The following MACROD2 variants were observed in gnomAD, a reference collection of about 807,000 sequenced individuals.
MACROD2 encodes the protein mono-ADP ribosylhydrolase 2, also known as ADP-ribose glycohydrolase MACROD2.
Under a neutral mutation model 70.4 loss-of-function variants are expected in MACROD2, and 36 were observed. The observed-to-expected ratio is 0.51, with a 90% CI of 0.39 to 0.68. MACROD2 has a LOEUF of 0.68. Ranked by LOEUF, MACROD2 falls within the 30% of genes least tolerant of loss-of-function variation. MACROD2 has a pLI of 0.00. For missense variants in MACROD2, 496 were observed against 538.4 expected, an observed-to-expected ratio of 0.92 and a Z score of 0.78; for synonymous variants, 172 against 178.8, an observed-to-expected ratio of 0.96 and a Z score of 0.30.
intron 5 of MACROD2, among the ~76,000 whole-genome samples, chr20:14,978,543 A>G (rs943892243): frequency 3.9e-5 from 6 of 151,934 alleles, no homozygotes; most frequent in African/African-American, 1.5e-4. Context: ...TGGTCACAGT[A>G]CATATTTTTT....
chr20:15,788,136 G>A (rs1044252824), intron 8 of MACROD2, among the ~76,000 whole-genome samples: 1 of 151,082 alleles, frequency 6.6e-6, no homozygotes, highest in Non-Finnish European at 1.5e-5. Context: ...CATGAAGGTG[G>A]TAAAGTCACT....
intron 3 of MACROD2, among the ~76,000 whole-genome samples, chr20:14,406,122 C>G (rs1216619591): frequency 2.0e-5 from 3 of 152,000 alleles, no homozygotes; most frequent in African/African-American, 7.2e-5. Flanking sequence ...TCATGAGGAC[C>G]TGTTTGACAA....
intron 3 of MACROD2, among the ~76,000 whole-genome samples, chr20:14,218,185 T>C (rs1262721276): frequency 6.6e-6 from 1 of 152,230 alleles, no homozygotes; most frequent in African/African-American, 2.4e-5. Context: ...CTTATAAATT[T>C]GGGAGCCCCA....
intron 4 of MACROD2, among the ~76,000 whole-genome samples, chr20:14,675,527 C>A (rs1161806820): frequency 6.6e-6 from 1 of 152,086 alleles, no homozygotes; most frequent in Non-Finnish European, 1.5e-5. Context: ...CACCACCAGG[C>A]CTGCGTTACA....
intron 13 of MACROD2, among the ~76,000 whole-genome samples, chr20:15,968,206 G>A (rs181609402): frequency 4.7e-4 from 72 of 152,284 alleles, no homozygotes; most frequent in African/African-American, 1.7e-3. Flanking sequence ...CTTTTCAAGT[G>A]TAGTCAAAAT....
intron 5 of MACROD2, among the ~76,000 whole-genome samples, chr20:15,229,369 G>A (rs2076940029): frequency 1.3e-5 from 2 of 152,218 alleles, no homozygotes; most frequent in Admixed American, 6.5e-5. Flanking sequence ...TTATGTAGGT[G>A]AGGATTGGTA....
At chr20:14,381,684 A>G (rs751280238) in intron 3 of MACROD2, among the ~76,000 whole-genome samples, 20 of 152,222 alleles carry the variant, frequency 1.3e-4, no homozygotes, top group Non-Finnish European at 2.5e-4. Context: ...TGTTGCATGA[A>G]GAATATGTGT....
rs201432550 is a variant in MACROD2 at position 15,145,026 on chromosome 20, T to C, written c.419-84914T>C. On this transcript the variant is annotated intron_variant, in intron 5 of 17. Transcript: ENST00000684519. ...GGTGCCTGGCAACTGTTTGCCTTAC[T>C]TGTTATTGGAAATCCAAACTCTAGC... Among the ~76,000 whole-genome samples, 4 of 152,304 alleles carry C rather than the reference T, an allele frequency of 2.6e-5. No homozygotes were observed. In the East Asian group the frequency reaches 7.7e-4, roughly 29 times the overall value.
intron 5 of MACROD2, among the ~76,000 whole-genome samples, chr20:15,202,631 AC>A (rs1202337568): frequency 2.6e-5 from 4 of 152,196 alleles, no homozygotes; most frequent in African/African-American, 4.8e-5. Flanking sequence ...AAAGAAACAA[AC>A]TGTTTAATGA....
intron 5 of MACROD2, among the ~76,000 whole-genome samples, chr20:15,086,856 G>T (rs770723028): frequency 3.3e-5 from 5 of 152,076 alleles, no homozygotes; most frequent in Non-Finnish European, 7.4e-5. Context: ...GATATTGAGA[G>T]GACTAAAGGA....
intron 3 of MACROD2, among the ~76,000 whole-genome samples, chr20:14,462,186 C>T (rs939481184): frequency 1.5e-4 from 23 of 152,090 alleles, no homozygotes; most frequent in East Asian, 1.9e-4. Context: ...CACATCCTCT[C>T]CAGCACCTGT....
chr20:14,875,197 A>G (rs1343499379), intron 5 of MACROD2, among the ~76,000 whole-genome samples: 1 of 151,982 alleles, frequency 6.6e-6, no homozygotes, highest in Non-Finnish European at 1.5e-5. Context: ...CCTAGCCAAC[A>G]TAGTGAAACC....
chr20:15,936,671 G>GTATATATATATATACATATATATATA (rs2065667469), intron 11 of MACROD2, among the ~76,000 whole-genome samples: 1 of 143,268 alleles, frequency 7.0e-6, no homozygotes, highest in African/African-American at 2.6e-5. Context: ...GTATATGTGT[G>GTATATATATATATACATATATATATA]TATATATATA....
intron 3 of MACROD2, among the ~76,000 whole-genome samples, chr20:14,182,856 T>C (rs1479251853): frequency 6.6e-6 from 1 of 151,914 alleles, no homozygotes; most frequent in African/African-American, 2.4e-5. Context: ...GGCCTTTTGC[T>C]TGACTGGCTC....
Position 14,990,515 on chromosome 20 carries a change from CTTTTTTTTTTTTTTTT to C in MACROD2, c.419-239424_419-239409del, listed in dbSNP as rs1311810819. Among the ~76,000 whole-genome samples, 5 of 129,352 alleles carry C rather than the reference CTTTTTTTTTTTTTTTT, an allele frequency of 3.9e-5. No homozygotes were observed. The East Asian group carries it at 1.1e-3, about 29-fold the overall frequency. The allele number at this position is 129,352 out of a possible 152,430, so 84.9% of individuals were successfully genotyped here. A position where few individuals can be genotyped will look rare whatever the true frequency, so the allele number is the denominator to read the frequency against. On this transcript the variant is annotated intron_variant, in intron 5 of 17. Coordinates refer to ENST00000684519, the MANE Select transcript of MACROD2 (RefSeq NM_001351661.2). ...CTGTTTCCTTTTTTTTTTTCTTTTT[CTTTTTTTTTTTTTTTT>C]GAGATGGAGTCTCGCTCTGCCGCCC...
chr20:14,230,631 T>TGTGTGTATATATATATATA (rs1569217269), intron 3 of MACROD2, among the ~76,000 whole-genome samples: 1 of 94,262 alleles, frequency 1.1e-5, no homozygotes, highest in Non-Finnish European at 1.9e-5. Context: ...TCATTCATGT[T>TGTGTGTATATATATATATA]TATATATATA....
intron 6 of MACROD2, among the ~76,000 whole-genome samples, chr20:15,313,846 A>T (rs2077780207): frequency 6.6e-6 from 1 of 152,208 alleles, no homozygotes; most frequent in South Asian, 2.1e-4. Context: ...GCAGACTAAT[A>T]CATTTTAAAA....
At chr20:15,449,060 AT>A (rs907825700) in intron 7 of MACROD2, among the ~76,000 whole-genome samples, 1 of 152,044 alleles carries the variant, frequency 6.6e-6, no homozygotes, top group African/African-American at 2.4e-5. Context: ...GTACTAATTG[AT>A]TTTTTATTCC....
At chr20:14,273,381 C>A (rs1338756482) in intron 3 of MACROD2, among the ~76,000 whole-genome samples, 5 of 150,908 alleles carry the variant, frequency 3.3e-5, no homozygotes, top group African/African-American at 1.2e-4. Flanking sequence ...GAACAACCTG[C>A]TCCTGAATGA....
Sources: allele counts gnomAD v4.1 joint callset (sites outside exome capture counted in the v4.1 genomes callset), GRCh38; gene constraint gnomAD v4.1.1; transcripts MANE v1.5; gene names NCBI Gene and HGNC (gene_info 2026-07-23, HGNC 2026-07-21).